ORC3: variants seen among roughly 807,000 people sequenced by gnomAD.
The protein encoded by ORC3 is origin recognition complex subunit 3, also known as homolog of latheo, Drosophila.
ORC3 carries 78 observed loss-of-function variants against 100.7 expected under a neutral mutation model. That is an observed-to-expected ratio of 0.77 (90% CI 0.65 to 0.94). The LOEUF (loss-of-function observed/expected upper bound fraction) is 0.94, where lower values mean the gene tolerates loss of function less well. ORC3 is among the 40% of genes least tolerant of loss of function. The pLI is 0.00. For synonymous variants in ORC3, 295 were observed against 289.3 expected, an observed-to-expected ratio of 1.02 and a Z score of -0.20; for missense variants, 789 against 823.9, an observed-to-expected ratio of 0.96 and a Z score of 0.52.
chr6:87,675,961 T>C, the ORC3 span: 1 of 1,576,662 alleles, frequency 6.3e-7, no homozygotes, highest in East Asian at 2.2e-5. Flanking sequence ...TCAATTACAT[T>C]TGTAAAATGC....
chr6:87,612,092 A>G lies in ORC3; in HGVS notation c.717A>G (p.Gln239=). 1.9e-6 allele frequency: 3 copies of G among 1,608,278 alleles called. No homozygotes were observed. Among genetic ancestry groups the G allele is most frequent in the African/African-American group, 2.7e-5 (2 of 74,852 alleles). The change falls in exon 8 of 20, where the codon CAA becomes CAG. Residue 239 remains glutamine, a synonymous_variant. Coordinates refer to ENST00000392844, the MANE Select transcript of ORC3 (RefSeq NM_012381.4). ...VLQDFIIISS[Q]HLHEFPLILI... is the part of the protein sequence containing the mutation. Reference sequence around the variant, plus strand: ...TGTGTCTGTCTTTCAAAACTAGTCAACATCTCCATGAATTTCCACTAATAC... The same window carrying G: ...TGTGTCTGTCTTTCAAAACTAGTCAGCATCTCCATGAATTTCCACTAATAC...
intron 3 of ORC3, among the ~76,000 whole-genome samples, chr6:87,602,818 C>G (rs1037744032): frequency 2.7e-5 from 4 of 150,550 alleles, no homozygotes; most frequent in Non-Finnish European, 5.9e-5. Flanking sequence ...TAACCCTGAT[C>G]CAATTATGTC....
rs187895095 is a variant in ORC3, at chr6:87,627,843, A to G, written c.1185+5830A>G. Among the ~76,000 whole-genome samples, 334 of 152,298 alleles carry G rather than the reference A, an allele frequency of 2.2e-3. 3 individuals are homozygous for G. Among genetic ancestry groups the G allele is most frequent in the Non-Finnish European group, 3.7e-3 (249 of 68,010 alleles). On this transcript the variant is annotated intron_variant, in intron 11 of 19. Transcript: ENST00000392844. Reference sequence around the variant, plus strand: ...CACACTTCAAGAACTACTAAGTTAGACTGCCTCCCTAGGAGGAAGCATTTG... The same window carrying G: ...CACACTTCAAGAACTACTAAGTTAGGCTGCCTCCCTAGGAGGAAGCATTTG...
chr6:87,636,924 C>T (rs1387381267), intron 13 of ORC3, among the ~76,000 whole-genome samples: 3 of 152,188 alleles, frequency 2.0e-5, no homozygotes, highest in Non-Finnish European at 2.9e-5. Context: ...CTAGGAGCAG[C>T]AAGGAGTAGG....
chr6:87,676,527 C>T, the ORC3 span, among the ~76,000 whole-genome samples: 290 of 147,982 alleles, frequency 2.0e-3, no homozygotes, highest in African/African-American at 6.8e-3. Flanking sequence ...GACGCCGAGG[C>T]GGGCACATCA....
intron 8 of ORC3, among the ~76,000 whole-genome samples, chr6:87,615,202 A>G (rs72924307): frequency 0.013 from 1,926 of 152,282 alleles, 19 homozygotes; most frequent in Middle Eastern, 0.024. Flanking sequence ...TTATAAAACC[A>G]TCAGGTTTCA....
chr6:87,616,264 G>A (rs757286751), intron 8 of ORC3, 50 bp from the exon 9 acceptor site: 23 of 688,964 alleles, frequency 3.3e-5, no homozygotes, highest in Non-Finnish European at 6.1e-5. Context: ...TATTTATGAA[G>A]AGTGAAGACT....
At chr6:87,605,588 T>C (rs950905291) in intron 4 of ORC3, among the ~76,000 whole-genome samples, 1 of 151,568 alleles carries the variant, frequency 6.6e-6, no homozygotes, top group Non-Finnish European at 1.5e-5. Context: ...AGGTGAAGGA[T>C]GCAGTGAGCT....
chr6:87,654,349 A>G (rs954384004), intron 14 of ORC3, among the ~76,000 whole-genome samples: 5 of 152,352 alleles, frequency 3.3e-5, no homozygotes, highest in East Asian at 3.9e-4. Context: ...GGAAGTCATC[A>G]GCAGGCACTA....
rs1770710774 is a variant in ORC3, at chr6:87,667,198, T to C, written c.*75T>C. ...GGTGACCAGTCATATTTACATATATTAGAGGAGCCTGTTTTGTTGAGAAGA... is the reference window on the plus strand; with the variant it reads ...GGTGACCAGTCATATTTACATATATCAGAGGAGCCTGTTTTGTTGAGAAGA... On this transcript the variant is annotated 3_prime_UTR_variant, in exon 20 of 20. Transcript: ENST00000392844. 3 of 824,454 alleles carry C rather than the reference T, an allele frequency of 3.6e-6. No individual in the cohort carries two copies. The highest frequency in any genetic ancestry group is 3.3e-5 in the South Asian group (2 of 60,068). The allele number at this position is 824,454 out of a possible 1,614,324, so 51.1% of individuals were successfully genotyped here.
chr6:87,616,602 A>G (rs1442908844), intron 9 of ORC3, among the ~76,000 whole-genome samples, 175 bp downstream of exon 9: 3 of 152,198 alleles, frequency 2.0e-5, no homozygotes, highest in African/African-American at 4.8e-5. Context: ...CAAACTGTAG[A>G]GAATGCACTC....
intron 15 of ORC3, among the ~76,000 whole-genome samples, chr6:87,657,215 T>C (rs994978280): frequency 5.9e-5 from 9 of 152,226 alleles, no homozygotes; most frequent in African/African-American, 1.9e-4. Context: ...AAACCATTCC[T>C]GTGGGCTCAG....
intron 13 of ORC3, among the ~76,000 whole-genome samples, chr6:87,647,799 A>G (rs985987561): frequency 1.3e-5 from 2 of 152,226 alleles, no homozygotes; most frequent in Non-Finnish European, 2.9e-5. Context: ...GCTAGACTCA[A>G]TCCTTAATTT....
At chr6:87,607,959 A>G (rs1778469783) in intron 6 of ORC3, 135 bp downstream of exon 6, 1 of 519,528 alleles carries the variant, frequency 1.9e-6, no homozygotes, top group South Asian at 5.0e-5. Flanking sequence ...AAAAGTAGGT[A>G]TTTATTTTTT....
At chr6:87,590,255 T>G in intron 1 of ORC3, 63 bp downstream of exon 1, 2 of 1,544,560 alleles carry the variant, frequency 1.3e-6, no homozygotes, top group South Asian at 2.2e-5. Context: ...GAAGAAGGGA[T>G]GAAGCCGAGG....
intron 13 of ORC3, among the ~76,000 whole-genome samples, chr6:87,637,552 T>G (rs769493027): frequency 1.3e-5 from 2 of 152,252 alleles, no homozygotes; most frequent in Non-Finnish European, 2.9e-5. Flanking sequence ...AACTATAGTA[T>G]TTCTGAGACT....
chr6:87,657,746 T>G (rs938805674), intron 15 of ORC3, among the ~76,000 whole-genome samples, 175 bp from the exon 16 acceptor site: 9 of 152,220 alleles, frequency 5.9e-5, no homozygotes, highest in African/African-American at 2.2e-4. Flanking sequence ...TGAGGCGAGA[T>G]TCTTGCCAGA....
the ORC3 span, among the ~76,000 whole-genome samples, chr6:87,673,352 AGG>A: frequency 6.6e-6 from 1 of 152,044 alleles, no homozygotes; most frequent in South Asian, 2.1e-4. Context: ...TTTGTCCCTC[AGG>A]GACATTTGGC....
intron 17 of ORC3, 94 bp downstream of exon 17, chr6:87,663,238 G>A: frequency 1.0e-6 from 1 of 969,576 alleles, no homozygotes; most frequent in East Asian, 2.6e-5. Flanking sequence ...GTTTTAATGA[G>A]CAGAGAGTCG....
Sources: allele counts gnomAD v4.1 joint callset (sites outside exome capture counted in the v4.1 genomes callset), GRCh38; gene constraint gnomAD v4.1.1; transcripts MANE v1.5; gene names NCBI Gene and HGNC (gene_info 2026-07-23, HGNC 2026-07-21).